KIF21A: variants seen among roughly 807,000 people sequenced by gnomAD.
KIF21A encodes kinesin family member 21A.
A neutral mutation model predicts 202.9 loss-of-function variants in KIF21A; 114 were observed. That is an observed-to-expected ratio of 0.56 (90% CI 0.48 to 0.66). The LOEUF (loss-of-function observed/expected upper bound fraction) is 0.66, where lower values mean the gene tolerates loss of function less well. Ranked by LOEUF, KIF21A falls within the 30% of genes least tolerant of loss-of-function variation. KIF21A has a pLI of 0.00. For synonymous variants in KIF21A, 667 were observed against 670.8 expected (o/e 0.99, Z 0.09); for missense variants, 1,677 against 1,994.9 (o/e 0.84, Z 3.04).
chr12:39,326,495 C>T (rs1945934548), intron 24 of KIF21A, 171 bp from the exon 25 acceptor site: 1 of 658,416 alleles, frequency 1.5e-6, no homozygotes, highest in Admixed American at 2.2e-5. Context: ...TAAAAACTCT[C>T]CTTTGATTGT....
chr12:39,345,613 G>A (rs925916651), intron 12 of KIF21A, among the ~76,000 whole-genome samples: 2 of 151,684 alleles, frequency 1.3e-5, no homozygotes, highest in African/African-American at 4.8e-5. Flanking sequence ...AAGTTCTTAA[G>A]TAAAAGATGA....
intron 1 of KIF21A, among the ~76,000 whole-genome samples, chr12:39,418,251 G>C (rs1389557105): frequency 6.6e-6 from 1 of 151,604 alleles, no homozygotes; most frequent in Non-Finnish European, 1.5e-5. Context: ...AGAAAACATT[G>C]ATTTTGTAAG....
chr12:39,359,068 AAATGTGTAGG>A (rs1224881246), intron 7 of KIF21A, among the ~76,000 whole-genome samples: 4 of 152,320 alleles, frequency 2.6e-5, no homozygotes, highest in African/African-American at 9.6e-5. Flanking sequence ...ACTAACTAAA[AAATGTGTAGG>A]AACTGCAATT....
At chr12:39,364,285 GAGC>G (rs1949451005) in intron 6 of KIF21A, among the ~76,000 whole-genome samples, 1 of 152,054 alleles carries the variant, frequency 6.6e-6, no homozygotes, top group South Asian at 2.1e-4. Flanking sequence ...CCCCTTTCCA[GAGC>G]AGCTACTGTC....
chr12:39,303,238 GACT>G, intron 35 of KIF21A, 103 bp from the exon 36 acceptor site: 8 of 929,508 alleles, frequency 8.6e-6, no homozygotes, highest in Non-Finnish European at 1.4e-5. Context: ...AATCAGACAT[GACT>G]TGTTTTGTTA....
At chr12:39,432,689 C>A (rs1938115057) in intron 1 of KIF21A, among the ~76,000 whole-genome samples, 1 of 151,952 alleles carries the variant, frequency 6.6e-6, no homozygotes, top group African/African-American at 2.4e-5. Context: ...CAGCTCACTG[C>A]AACCTCGGCC....
chr12:39,349,179 C>A (rs564341764), intron 11 of KIF21A, among the ~76,000 whole-genome samples: 1 of 151,972 alleles, frequency 6.6e-6, no homozygotes, highest in South Asian at 2.1e-4. Flanking sequence ...TGGCCTACAC[C>A]CATGAGAGGG....
At chr12:39,413,868 T>A (rs900814572) in intron 1 of KIF21A, among the ~76,000 whole-genome samples, 9 of 152,204 alleles carry the variant, frequency 5.9e-5, no homozygotes, top group African/African-American at 1.9e-4. Context: ...GAATTAAAGC[T>A]ATTTTAAGTG....
Position 39,325,879 on chromosome 12 carries a change from T to A in KIF21A, c.3416A>T (p.Asp1139Val). 6.2e-7 allele frequency: 1 copy of A among 1,609,214 alleles called. No homozygotes were observed. Among genetic ancestry groups the A allele is most frequent in the African/African-American group, 1.3e-5 (1 of 74,924 alleles). Reference sequence around the variant, plus strand: ...CACTTCACCACAAAGCTTCATGAGATCTGAAGACAGCGTGCTATGTGCAAA... The same window carrying A: ...CACTTCACCACAAAGCTTCATGAGAACTGAAGACAGCGTGCTATGTGCAAA... ...PGSEGSTLSS[D>V]LMKLCGEVKP... Residue 1139 changes from aspartate (D) to valine (V), a missense_variant, in exon 26 of 38, where the codon GAT becomes GTT. Physicochemically the swap from Asp to Val is radical, Grantham distance 152. This residue lies in a region of KIF21A where 705 missense variants were observed against 791.9 expected (regional missense o/e 0.89). Transcript: ENST00000361418.
chr12:39,433,608 G>A (rs1369258953), intron 1 of KIF21A, among the ~76,000 whole-genome samples: 1 of 152,086 alleles, frequency 6.6e-6, no homozygotes, highest in East Asian at 1.9e-4. Flanking sequence ...CTTACATTAG[G>A]TTGAGCAACT....
At chr12:39,403,048 C>T (rs1428710571) in intron 1 of KIF21A, among the ~76,000 whole-genome samples, 1 of 152,080 alleles carries the variant, frequency 6.6e-6, no homozygotes. Context: ...GAATGTGTGT[C>T]ATCCCCACTT....
intron 1 of KIF21A, among the ~76,000 whole-genome samples, chr12:39,416,722 TGTAC>T (rs1295984471): frequency 8.6e-6 from 1 of 116,834 alleles, no homozygotes; most frequent in Non-Finnish European, 1.8e-5. Context: ...TGTGTATATA[TGTAC>T]ATATATATGT....
chr12:39,303,037 C>T lies in KIF21A; in HGVS notation c.4659G>A (p.Gly1553=). The T allele has an allele frequency of 1.2e-6, 2 of 1,613,850 alleles. No individual in the cohort carries two copies. Among genetic ancestry groups the T allele is most frequent in the East Asian group, 2.2e-5 (1 of 44,850 alleles). The change falls in exon 36 of 38, where the codon GGG becomes GGA. Residue 1553 remains glycine, a synonymous_variant. Transcript: ENST00000361418. ...CTCTAGACCCACTAAATAGGTTATCCCCTTGAATGGTTAGTGCTTCTATGC... is the reference window on the plus strand; with the variant it reads ...CTCTAGACCCACTAAATAGGTTATCTCCTTGAATGGTTAGTGCTTCTATGC... ...YDGIEALTIQ[G]DNLFSGSRDN...
At chr12:39,380,778 G>A (rs1431732956) in intron 1 of KIF21A, among the ~76,000 whole-genome samples, 1 of 152,114 alleles carries the variant, frequency 6.6e-6, no homozygotes, top group Non-Finnish European at 1.5e-5. Flanking sequence ...TTCAAGAAAG[G>A]AGGAGTAAAA....
rs1161894049 is a variant in KIF21A at position 39,384,710 on chromosome 12, CAGAA to C, written c.45-14453_45-14450del. Reference sequence around the variant, plus strand: ...TTACTATCTCACAGTGTCTGTAAGTCAGAAATCCAGGCATGGCACAGCTAGGGCT... The same window carrying C: ...TTACTATCTCACAGTGTCTGTAAGTCATCCAGGCATGGCACAGCTAGGGCT... On this transcript the variant is annotated intron_variant, in intron 1 of 37. Transcript: ENST00000361418. Among the ~76,000 whole-genome samples, 9 of 152,110 alleles carry C rather than the reference CAGAA, an allele frequency of 5.9e-5. 1 individual carries two copies.
At chr12:39,359,839 T>G (rs532829914) in intron 7 of KIF21A, among the ~76,000 whole-genome samples, 8 of 152,330 alleles carry the variant, frequency 5.3e-5, no homozygotes, top group Admixed American at 3.9e-4. Flanking sequence ...ATGCAGAAAT[T>G]GCAAGTAAGC....
rs552725367 is a variant in KIF21A, at chr12:39,432,037, G to C, written c.44+10890C>G. Among the ~76,000 whole-genome samples the C allele has an allele frequency of 8.5e-5, 13 of 152,324 alleles. No individual in the cohort carries two copies. The South Asian group carries it at 2.7e-3, about 32-fold the overall frequency. ...GTTGCCAACCTCCACTTTAGGACAG[G>C]ACAGGTGAAGACTAACAGACCAACA... On this transcript the variant is annotated intron_variant, in intron 1 of 37. Transcript: ENST00000361418.
At chr12:39,296,913 A>C (rs1942432999) in intron 37 of KIF21A, among the ~76,000 whole-genome samples, 1 of 152,232 alleles carries the variant, frequency 6.6e-6, no homozygotes, top group Non-Finnish European at 1.5e-5. Flanking sequence ...TTAAAGGATT[A>C]TTGTAGATTT....
At chr12:39,309,894 A>G (rs2137332649) in intron 32 of KIF21A, 128 bp from the exon 33 acceptor site, 1 of 802,084 alleles carries the variant, frequency 1.2e-6, no homozygotes, top group East Asian at 2.7e-5. Context: ...TTAACATACC[A>G]CAAGGATCCT....
Sources: allele counts gnomAD v4.1 joint callset (sites outside exome capture counted in the v4.1 genomes callset), GRCh38; gene constraint gnomAD v4.1.1; regional missense constraint gnomAD v4.1.1; transcripts MANE v1.5; gene names NCBI Gene and HGNC (gene_info 2026-07-23, HGNC 2026-07-21).